IGHMBP2: variants seen among roughly 807,000 people sequenced by gnomAD.
The protein encoded by IGHMBP2 is immunoglobulin mu DNA binding protein 2.
IGHMBP2 carries 81 observed loss-of-function variants against 96.0 expected under a neutral mutation model. The ratio of observed to expected loss-of-function variants is 0.84; its 90% CI spans 0.71 to 1.01. The LOEUF (loss-of-function observed/expected upper bound fraction) is 1.01. IGHMBP2 is among the 50% of genes least tolerant of loss of function. IGHMBP2 has a pLI of 0.00. For missense variants in IGHMBP2, 1,227 were observed against 1,306.3 expected, an observed-to-expected ratio of 0.94 and a Z score of 0.94; for synonymous variants, 557 against 548.9, an observed-to-expected ratio of 1.01 and a Z score of -0.21.
rs71043470 is a variant in IGHMBP2 at position 68,915,166 on chromosome 11, C to CTTTT, written c.912+170_912+173dup. The CTTTT allele has an allele frequency of 1.7e-3, 353 of 206,032 alleles. 19 individuals carry two copies. Among genetic ancestry groups the CTTTT allele is most frequent in the African/African-American group, 2.6e-3 (48 of 18,212 alleles). The allele number at this position is 206,032 out of a possible 1,614,324, so 12.8% of individuals were successfully genotyped here. A position where few individuals can be genotyped will look rare whatever the true frequency, so the allele number is the denominator to read the frequency against. On this transcript the variant is annotated intron_variant, in intron 6 of 14. Coordinates refer to ENST00000255078, the MANE Select transcript of IGHMBP2 (RefSeq NM_002180.3). ...TAATAATTTTAAAAATTGGGCTGCC[C>CTTTT]TTTTTTTTTTTTTTTTTTTTTTTTT...
chr11:68,934,006 G>T, intron 10 of IGHMBP2, 93 bp downstream of exon 10: 3 of 900,656 alleles, frequency 3.3e-6, no homozygotes, highest in Non-Finnish European at 3.6e-6. Flanking sequence ...ATTCCGGGAG[G>T]AGCTGAGAGC....
At position 68,907,352 on chromosome 11, in the gene IGHMBP2, T is replaced by C. The variant is rs913492252; in HGVS notation, c.257-793T>C. Reference sequence around the variant, plus strand: ...TGGTCCAGCTGGTAAACATGCAGGATGTGTACTTCTGTATTCCCAACCCTT... The same window carrying C: ...TGGTCCAGCTGGTAAACATGCAGGACGTGTACTTCTGTATTCCCAACCCTT... On this transcript the variant is annotated intron_variant, in intron 2 of 14. Coordinates refer to ENST00000255078, the MANE Select transcript of IGHMBP2 (RefSeq NM_002180.3). Among the ~76,000 whole-genome samples, 8 of 152,184 alleles carry C rather than the reference T, an allele frequency of 5.3e-5. No individual in the cohort carries two copies. The East Asian group carries it at 1.5e-3, about 29-fold the overall frequency.
intron 7 of IGHMBP2, among the ~76,000 whole-genome samples, chr11:68,927,335 A>T (rs893348564): frequency 6.6e-6 from 1 of 152,310 alleles, no homozygotes; most frequent in Non-Finnish European, 1.5e-5. Flanking sequence ...GCTAGTGATT[A>T]GACAGAAATC....
chr11:68,906,416 CA>C (rs1271848070), intron 2 of IGHMBP2, 178 bp downstream of exon 2: 58 of 715,470 alleles, frequency 8.1e-5, no homozygotes, highest in Non-Finnish European at 1.1e-4. Flanking sequence ...CAGCGTTGTC[CA>C]AAATGGTAGC....
intron 10 of IGHMBP2, chr11:68,934,239 A>G (rs1859433441): frequency 6.3e-6 from 4 of 638,390 alleles, no homozygotes; most frequent in Non-Finnish European, 1.1e-5. Context: ...AACAGGATGC[A>G]CGGCCATAGG....
intron 7 of IGHMBP2, among the ~76,000 whole-genome samples, chr11:68,925,075 C>G (rs1859013758): frequency 6.6e-6 from 1 of 151,800 alleles, no homozygotes. Context: ...TTGCACATCC[C>G]TGCCTTAGAG....
intron 6 of IGHMBP2, 34 bp downstream of exon 6, chr11:68,915,057 G>A (rs1014517050): frequency 6.3e-7 from 1 of 1,578,246 alleles, no homozygotes; most frequent in Middle Eastern, 1.9e-4. Flanking sequence ...TGTGGGGCGT[G>A]GGCTTCTGAT....
rs200081534 is a variant in IGHMBP2, at chr11:68,935,388, C to T, written c.1722C>T (p.Ala574=). 13 of 1,613,994 alleles carry T rather than the reference C, an allele frequency of 8.1e-6. No individual in the cohort carries two copies. Among genetic ancestry groups the T allele is most frequent in the African/African-American group, 1.3e-5 (1 of 74,942 alleles). Residue 574 remains alanine, a synonymous_variant, in exon 12 of 15, where the codon GCC becomes GCT. Transcript: ENST00000255078. ...GCTTCCAAGGCCGAGAGAAGGAGGC[C>T]GTGATACTGTCCTTCGTCAGATCCA... The part of the protein sequence containing the change: ...VDGFQGREKE[A]VILSFVRSNR...
intron 8 of IGHMBP2, chr11:68,930,307 C>G: frequency 7.8e-7 from 1 of 1,289,406 alleles, no homozygotes; most frequent in South Asian, 1.2e-5. Context: ...TTCTCTGTTT[C>G]ACTGTGGGTG....
intron 11 of IGHMBP2, 87 bp from the exon 12 acceptor site, chr11:68,935,212 C>A: frequency 1.3e-6 from 2 of 1,547,084 alleles, no homozygotes; most frequent in African/African-American, 1.4e-5. Context: ...TGTTTCACAG[C>A]GTGAGGCCCT....
At chr11:68,928,597 A>G (rs1859156493) in intron 7 of IGHMBP2, among the ~76,000 whole-genome samples, 1 of 152,146 alleles carries the variant, frequency 6.6e-6, no homozygotes, top group South Asian at 2.1e-4. Flanking sequence ...GTCATTGTCC[A>G]TGTTTGTGGG....
chr11:68,932,980 C>G (rs1034796856), intron 8 of IGHMBP2: 8 of 438,278 alleles, frequency 1.8e-5, no homozygotes, highest in Non-Finnish European at 3.0e-5. Context: ...TCTGACTGAC[C>G]CTCGCATGCC....
At chr11:68,925,667 C>G (rs1315655083) in intron 7 of IGHMBP2, among the ~76,000 whole-genome samples, 1 of 152,192 alleles carries the variant, frequency 6.6e-6, no homozygotes, top group Non-Finnish European at 1.5e-5. Context: ...TCTCTAAGCT[C>G]ATCTTTATCT....
intron 8 of IGHMBP2, chr11:68,932,955 C>T (rs750180259): frequency 2.7e-6 from 1 of 377,174 alleles, no homozygotes; most frequent in African/African-American, 2.0e-5. Flanking sequence ...CAAATCTCTC[C>T]CCTCGGTGAC....
chr11:68,908,836 A>G (rs1594418729), intron 4 of IGHMBP2, among the ~76,000 whole-genome samples: 1 of 140,688 alleles, frequency 7.1e-6, no homozygotes, highest in South Asian at 2.3e-4. Context: ...GGCTCGTTCC[A>G]TTGAGGTTTT....
intron 2 of IGHMBP2, 152 bp from the exon 3 acceptor site, chr11:68,907,993 T>C: frequency 1.3e-6 from 1 of 768,050 alleles, no homozygotes; most frequent in Non-Finnish European, 2.2e-6. Flanking sequence ...CCGGCCTAAC[T>C]TACTTTCTTT....
intron 7 of IGHMBP2, among the ~76,000 whole-genome samples, chr11:68,926,642 A>G (rs933029021): frequency 1.3e-5 from 2 of 152,132 alleles, no homozygotes; most frequent in Admixed American, 6.5e-5. Flanking sequence ...CATTATTCTC[A>G]TATTTTATTT....
In IGHMBP2 at chr11:68,920,831, G is replaced by A. The variant is rs60819411; in HGVS notation, c.1060+2948G>A. Among the ~76,000 whole-genome samples the A allele has an allele frequency of 5.9e-5, 9 of 152,224 alleles. No individual in the cohort carries two copies. The East Asian group carries it at 1.2e-3, about 20-fold the overall frequency. On this transcript the variant is annotated intron_variant, in intron 7 of 14. Transcript: ENST00000255078. ...GAGTCTTGCTCTGTTGCTCAGACTG[G>A]AGTGCAGAGGCGTGATCATAACTTG...
At chr11:68,928,848 G>C (rs1456163156) in intron 7 of IGHMBP2, among the ~76,000 whole-genome samples, 2 of 151,984 alleles carry the variant, frequency 1.3e-5, no homozygotes, top group Non-Finnish European at 2.9e-5. Flanking sequence ...AAAGAATTAG[G>C]TTCTAAATTT....
Sources: gnomAD v4.1 joint callset for allele counts (sites outside exome capture counted in the v4.1 genomes callset) on GRCh38, gnomAD v4.1.1 for gene constraint, MANE v1.5 for transcripts, NCBI Gene and HGNC (gene_info 2026-07-23, HGNC 2026-07-21) for gene names.